Variants in TRAPPC9 observed in about 807,000 individuals in gnomAD.
TRAPPC9 encodes IKK2 binding protein.
A neutral mutation model predicts 124.0 loss-of-function variants in TRAPPC9; 83 were observed. The ratio of observed to expected loss-of-function variants is 0.67; its 90% CI spans 0.56 to 0.80. The LOEUF (loss-of-function observed/expected upper bound fraction) is 0.80, where lower values mean the gene tolerates loss of function less well. Among genes scored for constraint, TRAPPC9 ranks in the 30% least tolerant of loss-of-function variants. The pLI, the probability that TRAPPC9 is intolerant of heterozygous loss-of-function variation, is 0.00. For synonymous variants in TRAPPC9, 638 were observed against 617.5 expected, an observed-to-expected ratio of 1.03 and a Z score of -0.49; for missense variants, 1,302 against 1,508.3, an observed-to-expected ratio of 0.86 and a Z score of 2.27.
At chr8:140,191,729 C>T (rs949091178) in intron 17 of TRAPPC9, among the ~76,000 whole-genome samples, 1 of 152,168 alleles carries the variant, frequency 6.6e-6, no homozygotes, top group Non-Finnish European at 1.5e-5. Context: ...ATTTCTTTAT[C>T]ACAATGCAAG....
intron 17 of TRAPPC9, among the ~76,000 whole-genome samples, chr8:140,171,560 G>A (rs1284233349): frequency 6.6e-6 from 1 of 152,146 alleles, no homozygotes; most frequent in East Asian, 1.9e-4. Context: ...CTTATTTACA[G>A]CAAGAATCAC....
At chr8:140,134,086 A>G (rs755982952) in intron 17 of TRAPPC9, among the ~76,000 whole-genome samples, 11 of 152,212 alleles carry the variant, frequency 7.2e-5, no homozygotes, top group Non-Finnish European at 1.0e-4. Context: ...CCAAATAGCA[A>G]AAACAATATT....
At chr8:139,972,341 C>T (rs1317101968) in intron 19 of TRAPPC9, among the ~76,000 whole-genome samples, 2 of 152,170 alleles carry the variant, frequency 1.3e-5, no homozygotes, top group Non-Finnish European at 2.9e-5. Flanking sequence ...CTGTACAGAA[C>T]AACAACATTT....
intron 9 of TRAPPC9, among the ~76,000 whole-genome samples, chr8:140,335,124 A>C (rs565689057): frequency 6.0e-4 from 91 of 152,268 alleles, no homozygotes; most frequent in African/African-American, 2.1e-3. Flanking sequence ...GAAAGAGTTG[A>C]GACTTTACTA....
chr8:139,784,895 C>T (rs988323113), intron 21 of TRAPPC9, among the ~76,000 whole-genome samples: 1 of 151,712 alleles, frequency 6.6e-6, no homozygotes, highest in African/African-American at 2.4e-5. Flanking sequence ...GATTGATCTA[C>T]GTATTCAACA....
At chr8:139,980,352 C>T (rs978444212) in intron 19 of TRAPPC9, among the ~76,000 whole-genome samples, 2 of 152,218 alleles carry the variant, frequency 1.3e-5, no homozygotes, top group South Asian at 2.1e-4. Flanking sequence ...CTCTCAATGC[C>T]ACTGAGAATC....
chr8:140,332,050 T>G lies in TRAPPC9; in HGVS notation c.1496-20676A>C, dbSNP rs532985770. 2.0e-5 allele frequency among the ~76,000 whole-genome samples: 3 copies of G among 152,210 alleles called. No individual in the cohort carries two copies. In the South Asian group the frequency reaches 6.2e-4, roughly 32 times the overall value. ...TGTCTACCGCAGCACTAAGTCACAG[T>G]AGCCAAGATATGGAATCAACCCAAG... On this transcript the variant is annotated intron_variant, in intron 9 of 22. Transcript: ENST00000438773.
chr8:140,008,989 A>G (rs1289360894), intron 18 of TRAPPC9, among the ~76,000 whole-genome samples: 1 of 152,188 alleles, frequency 6.6e-6, no homozygotes, highest in Non-Finnish European at 1.5e-5. Context: ...AAAAAATGAC[A>G]TGGGTCTGAA....
At chr8:139,970,995 TC>T (rs1836025688) in intron 19 of TRAPPC9, among the ~76,000 whole-genome samples, 1 of 150,374 alleles carries the variant, frequency 6.7e-6, no homozygotes, top group Non-Finnish European at 1.5e-5. Flanking sequence ...TTCCCCTCCT[TC>T]TCCATACCCC....
intron 19 of TRAPPC9, among the ~76,000 whole-genome samples, chr8:139,979,010 C>T (rs1836691023): frequency 6.7e-6 from 1 of 148,564 alleles, no homozygotes; most frequent in Non-Finnish European, 1.5e-5. Flanking sequence ...GCCGGGCTCC[C>T]ATCCCCAGGA....
At chr8:140,144,310 T>C (rs1430058455) in intron 17 of TRAPPC9, among the ~76,000 whole-genome samples, 1 of 152,260 alleles carries the variant, frequency 6.6e-6, no homozygotes, top group East Asian at 1.9e-4. Context: ...TTCTAATCCA[T>C]GAATATGGTA....
intron 21 of TRAPPC9, among the ~76,000 whole-genome samples, chr8:139,792,750 C>T (rs867358863): frequency 6.6e-5 from 10 of 152,222 alleles, no homozygotes; most frequent in Admixed American, 3.3e-4. Context: ...GCTGGACCCA[C>T]GGCCGGCGAG....
At chr8:139,944,145 C>T (rs909648969) in intron 19 of TRAPPC9, among the ~76,000 whole-genome samples, 11 of 152,020 alleles carry the variant, frequency 7.2e-5, no homozygotes, top group African/African-American at 2.2e-4. Context: ...GAAATGAAAG[C>T]AAAATAAAAA....
intron 19 of TRAPPC9, among the ~76,000 whole-genome samples, chr8:139,927,984 T>C (rs1832909317): frequency 6.6e-6 from 1 of 152,228 alleles, no homozygotes; most frequent in Non-Finnish European, 1.5e-5. Flanking sequence ...TTGGGGGTGA[T>C]AGCAACATTT....
intron 19 of TRAPPC9, among the ~76,000 whole-genome samples, chr8:139,970,553 AC>A (rs1426717386): frequency 3.3e-5 from 5 of 151,978 alleles, no homozygotes; most frequent in Non-Finnish European, 7.4e-5. Flanking sequence ...TGTCCCAGAG[AC>A]CTCAGACACA....
At chr8:139,978,815 C>CAGATGAGGGGCTG (rs1187346680) in intron 19 of TRAPPC9, among the ~76,000 whole-genome samples, 1 of 152,228 alleles carries the variant, frequency 6.6e-6, no homozygotes, top group Non-Finnish European at 1.5e-5. Context: ...CCCCGCTGGA[C>CAGATGAGGGGCTG]AGATGAGGGG....
chr8:140,091,113 C>A (rs1230496332), intron 17 of TRAPPC9, among the ~76,000 whole-genome samples: 1 of 152,186 alleles, frequency 6.6e-6, no homozygotes, highest in Non-Finnish European at 1.5e-5. Context: ...CACATCCCTT[C>A]TTAATGAAAG....
intron 17 of TRAPPC9, among the ~76,000 whole-genome samples, chr8:140,112,858 T>C (rs2060809298): frequency 2.8e-5 from 3 of 105,698 alleles, no homozygotes; most frequent in Non-Finnish European, 6.1e-5. Flanking sequence ...TTTTTTTTTT[T>C]GAAATGGAGT....
At position 139,872,388 on chromosome 8, in the gene TRAPPC9, GTGGATGGA is replaced by G. The variant is rs112393714; in HGVS notation, c.3055+13483_3055+13490del. On this transcript the variant is annotated intron_variant, in intron 21 of 22. Coordinates refer to ENST00000438773, the MANE Select transcript of TRAPPC9 (RefSeq NM_001160372.4). The stretch of plus-strand genomic sequence containing the variant: ...GATGGGTAAATGGTTGGATAAGTGG[GTGGATGGA>G]TGGATGGATGGATGGATGGATGGAT... 5.0e-3 allele frequency among the ~76,000 whole-genome samples: 374 copies of G among 74,852 alleles called. 2 individuals carry two copies. The highest frequency in any genetic ancestry group is 0.014 in the African/African-American group (332 of 23,952). The allele number at this position is 74,852 out of a possible 152,430, so 49.1% of individuals were successfully genotyped here. A position where few individuals can be genotyped will look rare whatever the true frequency, so the allele number is the denominator to read the frequency against.
Sources: allele counts gnomAD v4.1 joint callset (sites outside exome capture counted in the v4.1 genomes callset), GRCh38; gene constraint gnomAD v4.1.1; transcripts MANE v1.5; gene names NCBI Gene and HGNC (gene_info 2026-07-23, HGNC 2026-07-21).